The following RBFOX3 variants were observed in gnomAD, a reference collection of about 807,000 sequenced individuals.
RBFOX3 encodes RNA binding protein fox-1 homolog 3.
In RBFOX3, 17 loss-of-function variants were observed where a neutral mutation model predicts 48.7. The ratio of observed to expected loss-of-function variants is 0.35; its 90% CI spans 0.24 to 0.52. The LOEUF is 0.52. Ranked by LOEUF, RBFOX3 falls within the 20% of genes least tolerant of loss-of-function variation. The pLI is 0.94. For missense variants in RBFOX3, 382 were observed against 497.5 expected (o/e 0.77, Z 2.21); for synonymous variants, 212 against 209.5 (o/e 1.01, Z -0.10).
At chr17:79,557,200 T>A (rs1411590663) in intron 1 of RBFOX3, among the ~76,000 whole-genome samples, 3 of 126,800 alleles carry the variant, frequency 2.4e-5, no homozygotes, top group African/African-American at 3.1e-5. Context: ...CACTCCAGCC[T>A]GGGTGACAGA....
intron 2 of RBFOX3, among the ~76,000 whole-genome samples, chr17:79,382,073 A>G (rs1387623403): frequency 2.2e-4 from 34 of 152,190 alleles, no homozygotes; most frequent in Non-Finnish European, 1.5e-4. Flanking sequence ...CTAAACTCAC[A>G]CACTGCGGGA....
At chr17:79,113,271 C>G (rs1055403026) in intron 5 of RBFOX3, among the ~76,000 whole-genome samples, 2 of 152,116 alleles carry the variant, frequency 1.3e-5, no homozygotes, top group African/African-American at 4.8e-5. Context: ...CTCCAGCTGC[C>G]TTCCAAGGTA....
chr17:79,352,041 A>G (rs1374082370), intron 2 of RBFOX3, among the ~76,000 whole-genome samples: 1 of 152,102 alleles, frequency 6.6e-6, no homozygotes, highest in Non-Finnish European at 1.5e-5. Context: ...TGGAGCAAGC[A>G]TATCCACCAG....
intron 4 of RBFOX3, among the ~76,000 whole-genome samples, chr17:79,154,467 G>A (rs2045314054): frequency 6.6e-6 from 1 of 152,234 alleles, no homozygotes; most frequent in African/African-American, 2.4e-5. Context: ...GTTCAATAAA[G>A]GAGTGAGTGC....
At chr17:79,340,722 G>T (rs1048561715) in intron 2 of RBFOX3, among the ~76,000 whole-genome samples, 2 of 147,732 alleles carry the variant, frequency 1.4e-5, no homozygotes, top group African/African-American at 2.5e-5. Flanking sequence ...TCCGATGAAT[G>T]AAAAAAAAAA....
chr17:79,094,382 A>G, intron 14 of RBFOX3, 69 bp downstream of exon 14: 2 of 1,198,846 alleles, frequency 1.7e-6, no homozygotes, highest in East Asian at 3.0e-5. Context: ...CCTCTCCCCC[A>G]AGGGCCTCAC....
At chr17:79,266,008 C>T (rs149050774) in intron 3 of RBFOX3, among the ~76,000 whole-genome samples, 7 of 152,340 alleles carry the variant, frequency 4.6e-5, no homozygotes, top group South Asian at 2.1e-4. Flanking sequence ...TGTAACAGAC[C>T]TAGACCAGAG....
At chr17:79,534,267 C>T (rs1157307311) in intron 1 of RBFOX3, among the ~76,000 whole-genome samples, 1 of 152,172 alleles carries the variant, frequency 6.6e-6, no homozygotes, top group Non-Finnish European at 1.5e-5. Context: ...CAGGAGGAGC[C>T]GGCATCACCG....
At chr17:79,563,688 T>C (rs2092344127) in intron 1 of RBFOX3, among the ~76,000 whole-genome samples, 1 of 152,240 alleles carries the variant, frequency 6.6e-6, no homozygotes, top group Non-Finnish European at 1.5e-5. Flanking sequence ...CTCTTTTTTC[T>C]TGGCACATTC....
chr17:79,307,288 T>A (rs1159489330), intron 3 of RBFOX3, among the ~76,000 whole-genome samples: 1 of 152,244 alleles, frequency 6.6e-6, no homozygotes, highest in Non-Finnish European at 1.5e-5. Context: ...ACGGTCCTGT[T>A]CCACCCTAGG....
At position 79,298,243 on chromosome 17, in the gene RBFOX3, G is replaced by A. The variant is rs576220747; in HGVS notation, c.-74+9481C>T. 5.3e-5 allele frequency: 8 copies of A among 152,284 alleles called. No individual in the cohort carries two copies. In the South Asian group the frequency reaches 6.2e-4, roughly 12 times the overall value. 9.4% of individuals were successfully genotyped at this position (152,284 alleles called of 1,614,324 possible). A position where few individuals can be genotyped will look rare whatever the true frequency, so the allele number is the denominator to read the frequency against. Reference sequence around the variant, plus strand: ...GTTTATTAAACACCAAATAAGTGCCGGGCACTGTGAAGGCATGGGTGGGGG... The same window carrying A: ...GTTTATTAAACACCAAATAAGTGCCAGGCACTGTGAAGGCATGGGTGGGGG... On this transcript the variant is annotated intron_variant, in intron 3 of 14. Coordinates refer to ENST00000693108, the MANE Select transcript of RBFOX3 (RefSeq NM_001350451.2).
chr17:79,530,038 T>C (rs918634791), intron 1 of RBFOX3, among the ~76,000 whole-genome samples: 1 of 152,212 alleles, frequency 6.6e-6, no homozygotes, highest in Non-Finnish European at 1.5e-5. Context: ...CGACCCCTGC[T>C]TCAAATCATC....
At chr17:79,186,557 T>C (rs2053445212) in intron 4 of RBFOX3, among the ~76,000 whole-genome samples, 1 of 151,644 alleles carries the variant, frequency 6.6e-6, no homozygotes, top group East Asian at 1.9e-4. Context: ...CTGGGGTGGG[T>C]GGCCCTGAGC....
At chr17:79,310,248 CT>C (rs2145668309) in intron 2 of RBFOX3, among the ~76,000 whole-genome samples, 1 of 152,300 alleles carries the variant, frequency 6.6e-6, no homozygotes, top group African/African-American at 2.4e-5. Flanking sequence ...TTTAAAATCC[CT>C]TGAAGCTTCC....
intron 2 of RBFOX3, among the ~76,000 whole-genome samples, chr17:79,428,008 G>A (rs1038706146): frequency 3.9e-5 from 6 of 152,282 alleles, no homozygotes; most frequent in East Asian, 1.9e-4. Flanking sequence ...ACAAAACCAC[G>A]GCATCCCCAC....
chr17:79,155,493 T>G (rs1450680993), intron 4 of RBFOX3, among the ~76,000 whole-genome samples: 3 of 152,220 alleles, frequency 2.0e-5, no homozygotes, highest in Non-Finnish European at 4.4e-5. Context: ...TGGTGCAATT[T>G]TGTCTGCATT....
At chr17:79,499,758 T>A (rs2082130335) in intron 1 of RBFOX3, among the ~76,000 whole-genome samples, 1 of 152,246 alleles carries the variant, frequency 6.6e-6, no homozygotes, top group Non-Finnish European at 1.5e-5. Context: ...GTATCCAGAA[T>A]GCTTGCTCTG....
Position 79,358,316 on chromosome 17 carries a change from G to A in RBFOX3, c.-174-50492C>T, listed in dbSNP as rs187081201. 1.8e-4 allele frequency among the ~76,000 whole-genome samples: 27 copies of A among 152,242 alleles called. No individual in the cohort carries two copies. In the East Asian group the frequency reaches 2.1e-3, roughly 12 times the overall value. ...AGGGGGAAGGTAGTGAGCTAGAGCCGTCTTCCCCTCCCCAGCACTGGCGAG... is the reference window on the plus strand; with the variant it reads ...AGGGGGAAGGTAGTGAGCTAGAGCCATCTTCCCCTCCCCAGCACTGGCGAG... On this transcript the variant is annotated intron_variant, in intron 2 of 14. Transcript: ENST00000693108.
chr17:79,217,990 G>GCTGGGC (rs999739729), intron 4 of RBFOX3, among the ~76,000 whole-genome samples: 12 of 152,130 alleles, frequency 7.9e-5, no homozygotes, highest in African/African-American at 2.2e-4. Context: ...CGGGGCTGGG[G>GCTGGGC]CTGGGCCTGG....
Sources: gnomAD v4.1 joint callset for allele counts (sites outside exome capture counted in the v4.1 genomes callset) on GRCh38, gnomAD v4.1.1 for gene constraint, MANE v1.5 for transcripts, NCBI Gene and HGNC (gene_info 2026-07-23, HGNC 2026-07-21) for gene names.